CADPS: variants seen among roughly 807,000 people sequenced by gnomAD.
The protein encoded by CADPS is calcium-dependent secretion activator 1.
A neutral mutation model predicts 167.3 loss-of-function variants in CADPS; 57 were observed. That is an observed-to-expected ratio of 0.34 (90% confidence interval 0.28 to 0.42). The LOEUF (loss-of-function observed/expected upper bound fraction) is 0.42, where lower values mean the gene tolerates loss of function less well. Ranked by LOEUF, CADPS falls within the 20% of genes least tolerant of loss-of-function variation. The pLI, the probability that CADPS is intolerant of heterozygous loss-of-function variation, is 1.00. For missense variants in CADPS, 1,414 were observed against 1,738.1 expected, an observed-to-expected ratio of 0.81 and a Z score of 3.32; for synonymous variants, 676 against 635.3, an observed-to-expected ratio of 1.06 and a Z score of -0.96.
Position 62,875,235 on chromosome 3 carries a change from G to T in CADPS, c.-206C>A, listed in dbSNP as rs531960794. On this transcript the variant is annotated 5_prime_UTR_variant, in exon 1 of 30. Coordinates refer to ENST00000383710, the MANE Select transcript of CADPS (RefSeq NM_003716.4). Reference sequence around the variant, plus strand: ...TGGGCTCAGACCCAGAAGCGCGAAGGGAGGAGGGGAAGGGAGAGGTGCGTC... The same window carrying T: ...TGGGCTCAGACCCAGAAGCGCGAAGTGAGGAGGGGAAGGGAGAGGTGCGTC... 78 of 495,680 alleles carry T rather than the reference G, an allele frequency of 1.6e-4. 1 individual carries two copies. The South Asian group carries it at 2.8e-3, about 18-fold the overall frequency. The allele number at this position is 495,680 out of a possible 1,614,324, so 30.7% of individuals were successfully genotyped here.
chr3:62,685,992 T>C (rs976895818), intron 3 of CADPS, among the ~76,000 whole-genome samples: 1 of 152,052 alleles, frequency 6.6e-6, no homozygotes. Context: ...GGATATTAAA[T>C]GTTTCCCAAC....
At position 62,748,344 on chromosome 3, in the gene CADPS, C is replaced by CAAAAAAAA. The variant is rs60942307; in HGVS notation, c.888+5089_888+5096dup. ...CTGGGCGAGAAGCGAGACTCCGTCT[C>CAAAAAAAA]AAAAAAAAAAAAAAAAAAAAAAAAA... On this transcript the variant is annotated intron_variant, in intron 3 of 29. Transcript: ENST00000383710. 9.5e-3 allele frequency among the ~76,000 whole-genome samples: 459 copies of CAAAAAAAA among 48,492 alleles called. 53 individuals are homozygous for CAAAAAAAA. Among genetic ancestry groups the CAAAAAAAA allele is most frequent in the Middle Eastern group, 0.016 (1 of 64 alleles). 31.8% of individuals were successfully genotyped at this position (48,492 alleles called of 152,430 possible). A position where few individuals can be genotyped will look rare whatever the true frequency, so the allele number is the denominator to read the frequency against.
chr3:62,627,433 C>T (rs902080265), intron 6 of CADPS, among the ~76,000 whole-genome samples: 27 of 152,000 alleles, frequency 1.8e-4, no homozygotes, highest in East Asian at 3.9e-4. Context: ...GCTGTTCTGC[C>T]TTCTTTGTTA....
At chr3:62,858,366 G>A (rs978222711) in intron 1 of CADPS, among the ~76,000 whole-genome samples, 4 of 152,078 alleles carry the variant, frequency 2.6e-5, no homozygotes, top group African/African-American at 9.7e-5. Flanking sequence ...CAGGAGAGGA[G>A]CCCCAAAACT....
intron 8 of CADPS, among the ~76,000 whole-genome samples, chr3:62,573,102 G>A (rs79117951): frequency 2.0e-5 from 3 of 152,168 alleles, no homozygotes; most frequent in Admixed American, 6.5e-5. Flanking sequence ...GGCTGGTCTC[G>A]AACTCTTGAC....
At chr3:62,785,973 G>A (rs2092382256) in intron 1 of CADPS, among the ~76,000 whole-genome samples, 2 of 151,028 alleles carry the variant, frequency 1.3e-5, no homozygotes, top group African/African-American at 4.9e-5. Context: ...AGCATTTTGG[G>A]AGGCTGAGAC....
chr3:62,417,750 A>G (rs2050432509), intron 28 of CADPS, among the ~76,000 whole-genome samples: 5 of 151,932 alleles, frequency 3.3e-5, no homozygotes, highest in Admixed American at 6.6e-5. Context: ...GAGGATCACT[A>G]TAGGTCAGGA....
chr3:62,495,906 A>C (rs1344420470), intron 18 of CADPS, among the ~76,000 whole-genome samples: 1 of 152,032 alleles, frequency 6.6e-6, no homozygotes, highest in African/African-American at 2.4e-5. Context: ...TGGGACATTT[A>C]ATTACTTTAT....
chr3:62,818,811 G>A (rs2094751627), intron 1 of CADPS, among the ~76,000 whole-genome samples: 1 of 152,144 alleles, frequency 6.6e-6, no homozygotes, highest in Admixed American at 6.5e-5. Flanking sequence ...TACGTAAATT[G>A]TGTTATAGCC....
intron 1 of CADPS, among the ~76,000 whole-genome samples, chr3:62,774,187 GAGA>G (rs1307010835): frequency 2.6e-5 from 4 of 152,102 alleles, no homozygotes; most frequent in Non-Finnish European, 4.4e-5. Context: ...ACGAAAAGAA[GAGA>G]AGGAGAAGGA....
intron 4 of CADPS, among the ~76,000 whole-genome samples, chr3:62,661,243 C>T (rs60783275): frequency 0.015 from 2,229 of 152,264 alleles, 56 homozygotes; most frequent in African/African-American, 0.051. Flanking sequence ...AATAAATGAT[C>T]ACCATTCGAT....
chr3:62,510,191 C>CATCTATCTATCCATCT (rs1553853784), intron 17 of CADPS, among the ~76,000 whole-genome samples: 1 of 148,266 alleles, frequency 6.7e-6, no homozygotes, highest in Non-Finnish European at 1.5e-5. Flanking sequence ...CCTATTTCTG[C>CATCTATCTATCCATCT]ATCTATCTAT....
At chr3:62,461,445 C>G (rs2059337952) in intron 26 of CADPS, among the ~76,000 whole-genome samples, 1 of 152,150 alleles carries the variant, frequency 6.6e-6, no homozygotes, top group African/African-American at 2.4e-5. Context: ...CATGGACTCT[C>G]AGGACTCCTA....
chr3:62,757,176 A>G lies in CADPS; in HGVS notation c.556-3403T>C, dbSNP rs186087611. Among the ~76,000 whole-genome samples the G allele has an allele frequency of 2.0e-3, 311 of 152,292 alleles. 4 individuals carry two copies. Among genetic ancestry groups the G allele is most frequent in the Admixed American group, 0.019 (297 of 15,286 alleles). ...GCTAATAAACATAAGGGGTGACTTGAAAACATTCAATCAACAATGAAGCTA... is the reference window on the plus strand; with the variant it reads ...GCTAATAAACATAAGGGGTGACTTGGAAACATTCAATCAACAATGAAGCTA... On this transcript the variant is annotated intron_variant, in intron 2 of 29. Transcript: ENST00000383710.
At chr3:62,616,301 T>A (rs1392674298) in intron 6 of CADPS, among the ~76,000 whole-genome samples, 1 of 152,202 alleles carries the variant, frequency 6.6e-6, no homozygotes, top group Admixed American at 6.5e-5. Context: ...AGACAGACTT[T>A]TTTTTTCTCC....
intron 6 of CADPS, among the ~76,000 whole-genome samples, chr3:62,600,569 C>A (rs900065667): frequency 1.3e-5 from 2 of 152,184 alleles, no homozygotes; most frequent in Non-Finnish European, 2.9e-5. Context: ...TCAGATGAGG[C>A]TCTAACTTTC....
At chr3:62,730,242 T>C (rs1175786561) in intron 3 of CADPS, among the ~76,000 whole-genome samples, 1 of 152,130 alleles carries the variant, frequency 6.6e-6, no homozygotes, top group Non-Finnish European at 1.5e-5. Flanking sequence ...CTGGTGGTGA[T>C]TTAGCCCCTC....
chr3:62,658,520 G>T (rs777034037), intron 4 of CADPS, among the ~76,000 whole-genome samples: 1 of 152,116 alleles, frequency 6.6e-6, no homozygotes, highest in Admixed American at 6.5e-5. Context: ...CTCTGCTTTA[G>T]CCTCCTCATC....
At chr3:62,731,824 A>AAAAAAAG (rs2077915054) in intron 3 of CADPS, among the ~76,000 whole-genome samples, 1 of 82,972 alleles carries the variant, frequency 1.2e-5, no homozygotes, top group Admixed American at 1.0e-4. Flanking sequence ...AAAAAAAAAA[A>AAAAAAAG]AAAAAAGTAA....
Sources: gnomAD v4.1 joint callset for allele counts (sites outside exome capture counted in the v4.1 genomes callset) on GRCh38, gnomAD v4.1.1 for gene constraint, MANE v1.5 for transcripts, NCBI Gene and HGNC (gene_info 2026-07-23, HGNC 2026-07-21) for gene names.